Variants in PRKG1 observed in about 807,000 individuals in gnomAD.
PRKG1 encodes the protein protein kinase cGMP-dependent 1.
PRKG1 carries 35 observed loss-of-function variants against 88.1 expected under a neutral mutation model. That is an observed-to-expected ratio of 0.40 (90% CI 0.30 to 0.53). The LOEUF is 0.53. Among genes scored for constraint, PRKG1 ranks in the 20% least tolerant of loss-of-function variants. The pLI, the probability that PRKG1 is intolerant of heterozygous loss-of-function variation, is 0.59. For synonymous variants in PRKG1, 303 were observed against 292.5 expected, an observed-to-expected ratio of 1.04 and a Z score of -0.37; for missense variants, 540 against 839.8, an observed-to-expected ratio of 0.64 and a Z score of 4.41.
chr10:51,703,368 A>G (rs1169633563), intron 3 of PRKG1, among the ~76,000 whole-genome samples: 1 of 152,228 alleles, frequency 6.6e-6, no homozygotes, highest in Non-Finnish European at 1.5e-5. Context: ...CGGGTCCTTC[A>G]AGGAATAGCT....
At chr10:51,082,562 C>T (rs1307357459) in intron 1 of PRKG1, among the ~76,000 whole-genome samples, 1 of 152,064 alleles carries the variant, frequency 6.6e-6, no homozygotes, top group Non-Finnish European at 1.5e-5. Context: ...GATAACCACT[C>T]TAATAGGAAG....
chr10:51,602,458 T>G (rs757632665), intron 3 of PRKG1, among the ~76,000 whole-genome samples: 5 of 152,174 alleles, frequency 3.3e-5, no homozygotes, highest in Non-Finnish European at 7.3e-5. Flanking sequence ...TCTTTCCTTA[T>G]TTATTGAGAT....
intron 3 of PRKG1, among the ~76,000 whole-genome samples, chr10:51,540,526 A>C (rs1401099659): frequency 6.6e-6 from 1 of 152,212 alleles, no homozygotes; most frequent in East Asian, 1.9e-4. Flanking sequence ...AATTAGATAG[A>C]TAATAGATAA....
At chr10:51,738,290 T>A (rs1837343530) in intron 3 of PRKG1, among the ~76,000 whole-genome samples, 1 of 152,130 alleles carries the variant, frequency 6.6e-6, no homozygotes, top group South Asian at 2.1e-4. Context: ...GTGCGCTCAG[T>A]TTAGTCCTTC....
At position 51,652,496 on chromosome 10, in the gene PRKG1, G is replaced by A. The variant is rs143273178; in HGVS notation, c.593-152089G>A. 8.6e-5 allele frequency among the ~76,000 whole-genome samples: 13 copies of A among 151,946 alleles called. 1 individual carries two copies. The East Asian group carries it at 2.5e-3, about 30-fold the overall frequency. On this transcript the variant is annotated intron_variant, in intron 3 of 17. Transcript: ENST00000373980. Reference sequence around the variant, plus strand: ...AAGAGTCATTACCAGATACTTTGGAGGGAACATCAAGAAAGAACTTTTCCA... The same window carrying A: ...AAGAGTCATTACCAGATACTTTGGAAGGAACATCAAGAAAGAACTTTTCCA...
intron 3 of PRKG1, among the ~76,000 whole-genome samples, chr10:51,652,344 T>C (rs1170782203): frequency 6.6e-6 from 1 of 151,384 alleles, no homozygotes; most frequent in African/African-American, 2.4e-5. Context: ...TGTCTCAGAC[T>C]TATTCTTTAA....
chr10:51,654,570 A>T (rs894460698), intron 3 of PRKG1, among the ~76,000 whole-genome samples: 1 of 152,166 alleles, frequency 6.6e-6, no homozygotes, highest in African/African-American at 2.4e-5. Flanking sequence ...ACACACACAC[A>T]CACAACCAAA....
intron 3 of PRKG1, among the ~76,000 whole-genome samples, chr10:51,665,822 A>G (rs1453052665): frequency 6.6e-6 from 1 of 152,122 alleles, no homozygotes; most frequent in Non-Finnish European, 1.5e-5. Context: ...AGATATTGTC[A>G]TCGACCTCAA....
chr10:51,828,872 T>C (rs1184499502), intron 4 of PRKG1, among the ~76,000 whole-genome samples: 1 of 152,212 alleles, frequency 6.6e-6, no homozygotes, highest in Non-Finnish European at 1.5e-5. Context: ...AGACATAATA[T>C]CCACATCAAA....
At chr10:51,523,323 G>A (rs1841786556) in intron 3 of PRKG1, among the ~76,000 whole-genome samples, 1 of 152,132 alleles carries the variant, frequency 6.6e-6, no homozygotes, top group Admixed American at 6.5e-5. Flanking sequence ...TAAGATGGCT[G>A]TGTCCATGAT....
chr10:51,554,426 G>A (rs977866054), intron 3 of PRKG1, among the ~76,000 whole-genome samples: 8 of 94,528 alleles, frequency 8.5e-5, no homozygotes, highest in African/African-American at 1.5e-4. Flanking sequence ...TTTATCGTGT[G>A]TGTGTGTGTG....
chr10:52,021,045 A>C (rs1845171182), intron 5 of PRKG1, among the ~76,000 whole-genome samples: 1 of 151,978 alleles, frequency 6.6e-6, no homozygotes, highest in African/African-American at 2.4e-5. Context: ...CTCCTGCCCC[A>C]CTCATGCCTG....
chr10:51,976,172 AG>A (rs1364530062), intron 5 of PRKG1, among the ~76,000 whole-genome samples: 1 of 151,964 alleles, frequency 6.6e-6, no homozygotes, highest in African/African-American at 2.4e-5. Flanking sequence ...GGAATGTAAA[AG>A]GGTGCAGACA....
At chr10:51,856,961 C>T (rs542217804) in intron 4 of PRKG1, among the ~76,000 whole-genome samples, 1 of 96,302 alleles carries the variant, frequency 1.0e-5, no homozygotes, top group African/African-American at 3.6e-5. Context: ...GAGACTCCGT[C>T]TTACTAAAAA....
intron 12 of PRKG1, among the ~76,000 whole-genome samples, chr10:52,280,184 G>T (rs1841971037): frequency 6.6e-6 from 1 of 152,094 alleles, no homozygotes; most frequent in Non-Finnish European, 1.5e-5. Flanking sequence ...ATAGGAAATA[G>T]ATATTGTTTG....
chr10:52,028,670 G>T (rs1435630655), intron 5 of PRKG1, among the ~76,000 whole-genome samples: 1 of 152,106 alleles, frequency 6.6e-6, no homozygotes, highest in Admixed American at 6.5e-5. Context: ...TTTACCCTAA[G>T]GTGCGTTTGC....
chr10:51,680,186 G>T (rs548317399), intron 3 of PRKG1, among the ~76,000 whole-genome samples: 1 of 152,004 alleles, frequency 6.6e-6, no homozygotes, highest in Non-Finnish European at 1.5e-5. Flanking sequence ...TCCTTCATCC[G>T]GATAAAAGGT....
intron 3 of PRKG1, among the ~76,000 whole-genome samples, chr10:51,590,034 T>A (rs1415813000): frequency 1.3e-5 from 2 of 152,162 alleles, no homozygotes; most frequent in African/African-American, 4.8e-5. Context: ...GTAGGTTAGA[T>A]AAATTCACAA....
intron 2 of PRKG1, among the ~76,000 whole-genome samples, chr10:51,307,745 A>T (rs924590159): frequency 1.3e-5 from 2 of 152,122 alleles, no homozygotes; most frequent in African/African-American, 4.8e-5. Flanking sequence ...TATATTCTAT[A>T]TTATTTATAT....
Sources: allele counts gnomAD v4.1 joint callset (sites outside exome capture counted in the v4.1 genomes callset), GRCh38; gene constraint gnomAD v4.1.1; transcripts MANE v1.5; gene names NCBI Gene and HGNC (gene_info 2026-07-23, HGNC 2026-07-21).